WWTR1: variants seen among roughly 807,000 people sequenced by gnomAD.
WWTR1 encodes WW domain containing transcription regulator 1.
Under a neutral mutation model 40.1 loss-of-function variants are expected in WWTR1, and 13 were observed. The ratio of observed to expected loss-of-function variants is 0.32; its 90% CI spans 0.21 to 0.52. The LOEUF (loss-of-function observed/expected upper bound fraction) is 0.52, where lower values mean the gene tolerates loss of function less well. Among genes scored for constraint, WWTR1 ranks in the 20% least tolerant of loss-of-function variants. The probability of loss-of-function intolerance (pLI) is 0.97; values close to 1 mark genes in which losing one functional copy is unlikely to be tolerated. For synonymous variants in WWTR1, 230 were observed against 210.1 expected (o/e 1.09, Z -0.82); for missense variants, 436 against 523.1 (o/e 0.83, Z 1.63).
At chr3:149,639,208 A>G (rs1361775555) in intron 2 of WWTR1, among the ~76,000 whole-genome samples, 1 of 152,068 alleles carries the variant, frequency 6.6e-6, no homozygotes. Flanking sequence ...ATTATCTTGG[A>G]AAAAAATATA....
At chr3:149,563,985 C>T (rs556338603) in intron 3 of WWTR1, among the ~76,000 whole-genome samples, 1 of 152,318 alleles carries the variant, frequency 6.6e-6, no homozygotes, top group South Asian at 2.1e-4. Context: ...AACTCCTGAC[C>T]TCAGGTGATC....
chr3:149,620,571 C>CT (rs397809916), intron 2 of WWTR1, among the ~76,000 whole-genome samples: 3 of 130,282 alleles, frequency 2.3e-5, no homozygotes, highest in African/African-American at 9.5e-5. Context: ...CGCTCCCCCC[C>CT]ACACACACAC....
chr3:149,520,857 T>C lies in WWTR1; in HGVS notation c.1151A>G (p.Asn384Ser), dbSNP rs1468223718. 4 of 1,613,338 alleles carry C rather than the reference T, an allele frequency of 2.5e-6. No homozygotes were observed. The highest frequency in any genetic ancestry group is 1.7e-5 in the Admixed American group (1 of 59,876). The change falls in exon 7 of 7, where the codon AAT (asparagine) becomes AGT (serine). Residue 384 changes from asparagine (N) to serine (S), a missense_variant. By Grantham distance (46) the Asn-to-Ser change is conservative. Coordinates refer to ENST00000360632, the MANE Select transcript of WWTR1 (RefSeq NM_015472.6). ...TTTGTTCAGAGCAGACTCTACATCATTGAAGAGGGGGATCAGGTCTTCAGA... is the reference window on the plus strand; with the variant it reads ...TTTGTTCAGAGCAGACTCTACATCACTGAAGAGGGGGATCAGGTCTTCAGA... Reference protein sequence around the residue: ...LESEDLIPLFNDVESALNKSE... With the variant: ...LESEDLIPLFSDVESALNKSE...
At chr3:149,710,610 C>T (rs146047380) in intron 5 of WWTR1, among the ~76,000 whole-genome samples, 50 of 106,124 alleles carry the variant, frequency 4.7e-4, no homozygotes, top group African/African-American at 1.8e-3. Flanking sequence ...GATTGAGTCT[C>T]GCTCTGTCGC....
intron 2 of WWTR1, among the ~76,000 whole-genome samples, chr3:149,654,075 G>A (rs1220713257): frequency 6.6e-6 from 1 of 151,694 alleles, no homozygotes; most frequent in Non-Finnish European, 1.5e-5. Context: ...TTTGAGACTA[G>A]CCTAGGCAAC....
chr3:149,605,233 C>A (rs965330101), intron 2 of WWTR1, among the ~76,000 whole-genome samples: 3 of 152,160 alleles, frequency 2.0e-5, no homozygotes, highest in African/African-American at 4.8e-5. Flanking sequence ...ATTAAGACAT[C>A]TGTCTTTTTA....
intron 2 of WWTR1, among the ~76,000 whole-genome samples, chr3:149,600,066 T>C (rs923864118): frequency 1.3e-5 from 2 of 152,202 alleles, no homozygotes; most frequent in African/African-American, 4.8e-5. Flanking sequence ...CTAGAGATGA[T>C]TTAAAGTATA....
At position 149,542,612 on chromosome 3, in the gene WWTR1, T is replaced by C. The variant is rs181058643; in HGVS notation, c.569-75A>G. On this transcript the variant is annotated intron_variant, in intron 3 of 6. Transcript: ENST00000360632. ...TATCAAAAATAGACCATCAGAATGT[T>C]TTCTGCTTTGGAGTATAGATTCCTG... 125 of 1,448,342 alleles carry C rather than the reference T, an allele frequency of 8.6e-5. 1 individual carries two copies. The East Asian group carries it at 2.9e-3, about 34-fold the overall frequency. 89.7% of individuals were successfully genotyped at this position (1,448,342 alleles called of 1,614,324 possible). A position where few individuals can be genotyped will look rare whatever the true frequency, so the allele number is the denominator to read the frequency against.
chr3:149,562,811 CA>C (rs1737145958), intron 3 of WWTR1, among the ~76,000 whole-genome samples: 6 of 151,992 alleles, frequency 3.9e-5, no homozygotes, highest in African/African-American at 1.2e-4. Context: ...CCAGCAACTG[CA>C]AAACACCCAG....
intron 2 of WWTR1, among the ~76,000 whole-genome samples, chr3:149,667,547 CAAA>C (rs10611956): frequency 0.6 from 82,969 of 137,268 alleles, 23,832 homozygotes; most frequent in Admixed American, 0.68. Flanking sequence ...GACTCCATCT[CAAA>C]AAAAAAAAAA....
intron 2 of WWTR1, among the ~76,000 whole-genome samples, chr3:149,602,789 C>T (rs1486669446): frequency 3.3e-5 from 5 of 152,024 alleles, no homozygotes; most frequent in Admixed American, 6.6e-5. Context: ...CTCAGCCTCC[C>T]GAGTTGCTGG....
chr3:149,608,834 C>T lies in WWTR1; in HGVS notation c.432-35834G>A, dbSNP rs561036292. ...TTGGGAGGCCAAAGCAGGAGGACTG[C>T]TTGAGCCCAGGAGTTTGAGACCAGC... On this transcript the variant is annotated intron_variant, in intron 2 of 6. Coordinates refer to ENST00000360632, the MANE Select transcript of WWTR1 (RefSeq NM_015472.6). Among the ~76,000 whole-genome samples, 20 of 152,230 alleles carry T rather than the reference C, an allele frequency of 1.3e-4. No individual in the cohort carries two copies. In the South Asian group the frequency reaches 4.1e-3, roughly 32 times the overall value.
chr3:149,705,578 G>A (rs1715310441), upstream of WWTR1, among the ~76,000 whole-genome samples: 1 of 152,184 alleles, frequency 6.6e-6, no homozygotes, highest in Non-Finnish European at 1.5e-5. Flanking sequence ...TATCTGTTGG[G>A]CAGGAAATTG....
chr3:149,650,145 T>C (rs983441804), intron 2 of WWTR1: 8 of 152,166 alleles, frequency 5.3e-5, no homozygotes, highest in African/African-American at 1.9e-4. Flanking sequence ...ATCATCTCTA[T>C]CTCACCATCA....
chr3:149,594,443 T>C (rs1738881252), intron 2 of WWTR1, among the ~76,000 whole-genome samples: 1 of 152,228 alleles, frequency 6.6e-6, no homozygotes, highest in South Asian at 2.1e-4. Flanking sequence ...TATTAAATAA[T>C]ATTTTAAGAA....
chr3:149,665,627 C>A (rs1293727189), intron 2 of WWTR1, among the ~76,000 whole-genome samples: 6 of 151,946 alleles, frequency 3.9e-5, no homozygotes, highest in Non-Finnish European at 8.8e-5. Context: ...TTTATGAAGA[C>A]AATGTGACAA....
chr3:149,698,859 CAGTGTTCCTG>C (rs1283412993), intron 1 of WWTR1, among the ~76,000 whole-genome samples: 4 of 152,362 alleles, frequency 2.6e-5, no homozygotes, highest in Non-Finnish European at 5.9e-5. Flanking sequence ...ATGTGGGGAG[CAGTGTTCCTG>C]AGGTTCCACA....
intron 4 of WWTR1, among the ~76,000 whole-genome samples, chr3:149,528,947 T>C (rs1393006267): frequency 6.6e-6 from 1 of 152,218 alleles, no homozygotes; most frequent in Non-Finnish European, 1.5e-5. Context: ...AAGCTAGCAT[T>C]ACATTGCTAA....
At chr3:149,571,601 T>A (rs554152163) in intron 3 of WWTR1, among the ~76,000 whole-genome samples, 46 of 152,336 alleles carry the variant, frequency 3.0e-4, no homozygotes, top group African/African-American at 1.1e-3. Flanking sequence ...AGGTTCAGAC[T>A]TCCTGGAAGA....
Sources: gnomAD v4.1 joint callset for allele counts (sites outside exome capture counted in the v4.1 genomes callset) on GRCh38, gnomAD v4.1.1 for gene constraint, MANE v1.5 for transcripts, NCBI Gene and HGNC (gene_info 2026-07-23, HGNC 2026-07-21) for gene names.